The following KCNT2 variants were observed in gnomAD, a reference collection of about 807,000 sequenced individuals.
KCNT2 encodes the protein potassium channel subfamily T member 2.
A neutral mutation model predicts 153.8 loss-of-function variants in KCNT2; 67 were observed. That is an observed-to-expected ratio of 0.44 (90% CI 0.36 to 0.53). The LOEUF (loss-of-function observed/expected upper bound fraction) is 0.53. KCNT2 is among the 20% of genes least tolerant of loss of function. The pLI is 0.00. For missense variants in KCNT2, 975 were observed against 1,354.8 expected (o/e 0.72, Z 4.40); for synonymous variants, 500 against 458.8 (o/e 1.09, Z -1.15).
intron 1 of KCNT2, among the ~76,000 whole-genome samples, chr1:196,531,389 A>G (rs1654918775): frequency 6.6e-6 from 1 of 152,124 alleles, no homozygotes; most frequent in Non-Finnish European, 1.5e-5. Context: ...ATTTAAATCC[A>G]GCTATGGGCT....
chr1:196,228,436 A>G (rs1558046909), intron 27 of KCNT2, 101 bp from the exon 28 acceptor site: 2 of 682,064 alleles, frequency 2.9e-6, no homozygotes, highest in African/African-American at 1.8e-5. Context: ...TTCAGTTTTC[A>G]GATTATCTAA....
chr1:196,581,628 G>T (rs1462835246), intron 1 of KCNT2, among the ~76,000 whole-genome samples: 6 of 151,852 alleles, frequency 4.0e-5, no homozygotes, highest in African/African-American at 9.7e-5. Context: ...TAAGGAGATG[G>T]GGGAAAGATG....
rs1558100104 is a variant in KCNT2, at chr1:196,284,251, ATATAT to A, written c.2697+1401_2697+1405del. 6.2e-4 allele frequency among the ~76,000 whole-genome samples: 30 copies of A among 48,452 alleles called. 5 individuals are homozygous for A. Among genetic ancestry groups the A allele is most frequent in the South Asian group, 5.2e-3 (5 of 958 alleles). The allele number at this position is 48,452 out of a possible 152,430, so 31.8% of individuals were successfully genotyped here. A position where few individuals can be genotyped will look rare whatever the true frequency, so the allele number is the denominator to read the frequency against. ...GTCTTAAAAAAAAAAAAAAAAAAATATATATATATATATATATATATATATATAGT... is the reference window on the plus strand; with the variant it reads ...GTCTTAAAAAAAAAAAAAAAAAAATAATATATATATATATATATATATAGT... On this transcript the variant is annotated intron_variant, in intron 23 of 27. Coordinates refer to ENST00000294725, the MANE Select transcript of KCNT2 (RefSeq NM_198503.5).
intron 25 of KCNT2, among the ~76,000 whole-genome samples, chr1:196,280,065 G>GA (rs532037796): frequency 2.7e-5 from 4 of 150,158 alleles, no homozygotes; most frequent in Non-Finnish European, 5.9e-5. Flanking sequence ...AGTGTCTGAA[G>GA]AAAAAAAAAT....
intron 8 of KCNT2, among the ~76,000 whole-genome samples, chr1:196,451,580 T>A (rs955983591): frequency 6.6e-5 from 10 of 151,272 alleles, no homozygotes; most frequent in African/African-American, 2.4e-4. Context: ...TGCACTTTTT[T>A]GTTATCCCTT....
chr1:196,400,400 T>G (rs950233632), intron 12 of KCNT2, among the ~76,000 whole-genome samples: 1 of 151,790 alleles, frequency 6.6e-6, no homozygotes, highest in Non-Finnish European at 1.5e-5. Flanking sequence ...GTTTTAATCC[T>G]GCTTTATCCC....
chr1:196,561,616 T>C (rs1659395568), intron 1 of KCNT2, among the ~76,000 whole-genome samples: 1 of 121,510 alleles, frequency 8.2e-6, no homozygotes, highest in Non-Finnish European at 1.6e-5. Context: ...ATCACACCAC[T>C]GCACTCCAGC....
At chr1:196,386,001 G>A (rs990924209) in intron 13 of KCNT2, among the ~76,000 whole-genome samples, 7 of 152,008 alleles carry the variant, frequency 4.6e-5, no homozygotes, top group Admixed American at 1.3e-4. Context: ...GCCGTAAAAG[G>A]CATTGTGACT....
At chr1:196,236,710 T>C (rs1654474658) in intron 26 of KCNT2, among the ~76,000 whole-genome samples, 1 of 151,634 alleles carries the variant, frequency 6.6e-6, no homozygotes, top group African/African-American at 2.4e-5. Context: ...TGTGTATATA[T>C]TTAAAATGAA....
intron 26 of KCNT2, among the ~76,000 whole-genome samples, chr1:196,250,381 G>A (rs964800636): frequency 2.0e-4 from 30 of 152,192 alleles, no homozygotes; most frequent in African/African-American, 7.2e-4. Flanking sequence ...AACATACATT[G>A]GGGAAAGGAA....
intron 1 of KCNT2, among the ~76,000 whole-genome samples, chr1:196,600,740 G>A (rs1208279716): frequency 1.3e-5 from 2 of 152,098 alleles, no homozygotes; most frequent in African/African-American, 4.8e-5. Flanking sequence ...TTGACAATTT[G>A]TTTATTCATA....
At chr1:196,409,210 T>A (rs1672085954) in intron 12 of KCNT2, among the ~76,000 whole-genome samples, 1 of 151,378 alleles carries the variant, frequency 6.6e-6, no homozygotes, top group Non-Finnish European at 1.5e-5. Context: ...GTGCAGTGTA[T>A]CATTTTCATC....
At chr1:196,561,607 T>G (rs2148923532) in intron 1 of KCNT2, among the ~76,000 whole-genome samples, 1 of 127,882 alleles carries the variant, frequency 7.8e-6, no homozygotes, top group South Asian at 2.7e-4. Context: ...TGAGCTGAGA[T>G]CACACCACTG....
At chr1:196,291,646 G>A (rs1486795942) in intron 22 of KCNT2, among the ~76,000 whole-genome samples, 2 of 152,086 alleles carry the variant, frequency 1.3e-5, no homozygotes, top group Non-Finnish European at 2.9e-5. Context: ...CATATGGCTA[G>A]AAGTTACAAA....
intron 8 of KCNT2, among the ~76,000 whole-genome samples, chr1:196,461,427 AG>A (rs1677145407): frequency 6.6e-6 from 1 of 151,792 alleles, no homozygotes; most frequent in Admixed American, 6.6e-5. Flanking sequence ...AACATAATAT[AG>A]TTTCTTATGT....
intron 1 of KCNT2, among the ~76,000 whole-genome samples, chr1:196,504,104 T>A (rs754588520): frequency 6.6e-6 from 1 of 152,148 alleles, no homozygotes; most frequent in African/African-American, 2.4e-5. Flanking sequence ...ATTATTATAC[T>A]TTAAGTTTTA....
intron 13 of KCNT2, among the ~76,000 whole-genome samples, chr1:196,379,565 T>TTC (rs67709356): frequency 0.13 from 17,549 of 135,896 alleles, 1,194 homozygotes; most frequent in Middle Eastern, 0.21. Flanking sequence ...CAGTGAGACT[T>TTC]TCTCTCTCTC....
At chr1:196,381,370 A>T (rs886914081) in intron 13 of KCNT2, among the ~76,000 whole-genome samples, 1 of 152,012 alleles carries the variant, frequency 6.6e-6, no homozygotes, top group Non-Finnish European at 1.5e-5. Context: ...AGTATACTTT[A>T]TCAGCTTCTG....
chr1:196,341,531 T>C (rs1023368179), intron 15 of KCNT2, among the ~76,000 whole-genome samples: 1 of 151,984 alleles, frequency 6.6e-6, no homozygotes, highest in African/African-American at 2.4e-5. Context: ...CATTAAAACA[T>C]TTAATACAGA....
Sources: gnomAD v4.1 joint callset for allele counts (sites outside exome capture counted in the v4.1 genomes callset) on GRCh38, gnomAD v4.1.1 for gene constraint, MANE v1.5 for transcripts, NCBI Gene and HGNC (gene_info 2026-07-23, HGNC 2026-07-21) for gene names.